ADAM17: variants seen among roughly 807,000 people sequenced by gnomAD.
ADAM17 encodes the protein ADAM metallopeptidase domain 17, also known as disintegrin and metalloproteinase domain-containing protein 17.
A neutral mutation model predicts 96.7 loss-of-function variants in ADAM17; 39 were observed. The ratio of observed to expected loss-of-function variants is 0.40; its 90% CI spans 0.31 to 0.53. The LOEUF (loss-of-function observed/expected upper bound fraction) is 0.53, where lower values mean the gene tolerates loss of function less well. Among genes scored for constraint, ADAM17 ranks in the 20% least tolerant of loss-of-function variants. The pLI is 0.44. For synonymous variants in ADAM17, 344 were observed against 359.2 expected (o/e 0.96, Z 0.48); for missense variants, 777 against 1,013.2 (o/e 0.77, Z 3.17).
intron 12 of ADAM17, among the ~76,000 whole-genome samples, chr2:9,503,415 AG>A (rs1301753344): frequency 6.6e-6 from 1 of 152,234 alleles, no homozygotes; most frequent in Non-Finnish European, 1.5e-5. Context: ...TCCAGTATAT[AG>A]AATCATGATA....
At chr2:9,493,287 G>T (rs555281140) in intron 16 of ADAM17, among the ~76,000 whole-genome samples, 117 of 152,284 alleles carry the variant, frequency 7.7e-4, no homozygotes, top group African/African-American at 2.8e-3. Flanking sequence ...TGCTTAAGAA[G>T]ACAAAGTTTT....
At chr2:9,541,857 G>A (rs1303845880) in intron 2 of ADAM17, among the ~76,000 whole-genome samples, 1 of 151,410 alleles carries the variant, frequency 6.6e-6, no homozygotes, top group African/African-American at 2.4e-5. Flanking sequence ...TGGCCAACAT[G>A]GTGAAACTCT....
intron 7 of ADAM17, among the ~76,000 whole-genome samples, chr2:9,522,906 T>A (rs1206816196): frequency 6.6e-6 from 1 of 152,150 alleles, no homozygotes; most frequent in East Asian, 1.9e-4. Context: ...ATTTTCTGAC[T>A]AAGGATTCAA....
At chr2:9,552,626 G>A (rs1380498913) in intron 1 of ADAM17, among the ~76,000 whole-genome samples, 1 of 152,136 alleles carries the variant, frequency 6.6e-6, no homozygotes, top group Non-Finnish European at 1.5e-5. Flanking sequence ...TCCCTCATCT[G>A]TGACCTATAT....
At chr2:9,536,101 G>GC (rs1664950427) in intron 3 of ADAM17, among the ~76,000 whole-genome samples, 179 bp from the exon 4 acceptor site, 1 of 152,108 alleles carries the variant, frequency 6.6e-6, no homozygotes, top group Non-Finnish European at 1.5e-5. Context: ...CTAAGGGGTA[G>GC]CCTCAAGTTT....
At chr2:9,500,788 T>C (rs1662952790) in intron 13 of ADAM17, among the ~76,000 whole-genome samples, 1 of 152,218 alleles carries the variant, frequency 6.6e-6, no homozygotes, top group African/African-American at 2.4e-5. Flanking sequence ...TGTCCGTTTA[T>C]ATACCTAGTA....
intron 11 of ADAM17, among the ~76,000 whole-genome samples, chr2:9,505,776 ATGT>A (rs772281409): frequency 2.0e-5 from 3 of 152,196 alleles, no homozygotes; most frequent in Non-Finnish European, 4.4e-5. Flanking sequence ...CTGTAGGTTA[ATGT>A]TGTCCCAGAC....
intron 10 of ADAM17, 39 bp from the exon 11 acceptor site, chr2:9,510,170 CCA>C: frequency 6.2e-7 from 1 of 1,608,778 alleles, no homozygotes; most frequent in Non-Finnish European, 8.5e-7. Context: ...TTCTCAATAT[CCA>C]GCCATCACCT....
chr2:9,537,070 G>A lies in ADAM17; in HGVS notation c.231-242C>T, dbSNP rs907303994. 2.6e-5 allele frequency among the ~76,000 whole-genome samples: 4 copies of A among 152,054 alleles called. No individual in the cohort carries two copies. In the South Asian group the frequency reaches 8.3e-4, roughly 32 times the overall value. On this transcript the variant is annotated intron_variant, in intron 2 of 18. Transcript: ENST00000310823. ...TCACACTAGGGTAAAGATATTCAAA[G>A]AACTTATACATTCATCTCTCCTGGA...
At chr2:9,546,809 A>C (rs1305486489) in intron 1 of ADAM17, among the ~76,000 whole-genome samples, 1 of 147,088 alleles carries the variant, frequency 6.8e-6, no homozygotes, top group African/African-American at 2.7e-5. Context: ...TCCTGGGTTC[A>C]AGCGATTCTC....
chr2:9,494,632 C>T lies in ADAM17; in HGVS notation c.1914+5G>A, dbSNP rs2124966714. 6.2e-7 allele frequency: 1 copy of T among 1,613,500 alleles called. No individual in the cohort carries two copies. Among genetic ancestry groups the T allele is most frequent in the Non-Finnish European group, 8.5e-7 (1 of 1,179,698 alleles). On this transcript the variant is annotated splice_donor_5th_base_variant and intron_variant, in intron 15 of 18. Transcript: ENST00000310823. ...TTACAGAAAAAGCTGTACATAAATA[C>T]TCACATTCATGTCACAAAATCCTAC...
At chr2:9,536,390 C>T (rs759377417) in intron 3 of ADAM17, among the ~76,000 whole-genome samples, 118 of 152,066 alleles carry the variant, frequency 7.8e-4, no homozygotes, top group Admixed American at 1.3e-3. Flanking sequence ...CCAAGCTTCC[C>T]TGTTTAAAAT....
At chr2:9,546,904 T>C (rs1665421574) in intron 1 of ADAM17, among the ~76,000 whole-genome samples, 1 of 152,174 alleles carries the variant, frequency 6.6e-6, no homozygotes, top group Non-Finnish European at 1.5e-5. Flanking sequence ...AGAAGGGGTT[T>C]CACTGTGTTG....
At chr2:9,538,513 T>C (rs1260297604) in intron 2 of ADAM17, among the ~76,000 whole-genome samples, 5 of 152,246 alleles carry the variant, frequency 3.3e-5, no homozygotes, top group South Asian at 4.1e-4. Flanking sequence ...TTCTCAGTTA[T>C]GATTTTTCCC....
chr2:9,517,247 T>C (rs1384629074), intron 10 of ADAM17, among the ~76,000 whole-genome samples: 2 of 152,164 alleles, frequency 1.3e-5, no homozygotes. Context: ...GTCAAACACA[T>C]TTTAACAGAC....
intron 17 of ADAM17, among the ~76,000 whole-genome samples, chr2:9,492,605 C>T (rs1662250220): frequency 6.6e-6 from 1 of 152,192 alleles, no homozygotes; most frequent in African/African-American, 2.4e-5. Context: ...GGGCTTTACT[C>T]ATCAAAGGAC....
intron 15 of ADAM17, among the ~76,000 whole-genome samples, chr2:9,494,344 A>T (rs1388447892): frequency 1.3e-5 from 2 of 152,186 alleles, no homozygotes; most frequent in African/African-American, 4.8e-5. Flanking sequence ...TAAGTAATCT[A>T]GGAAAACATA....
intron 3 of ADAM17, among the ~76,000 whole-genome samples, chr2:9,536,265 T>C (rs541620489): frequency 6.6e-6 from 1 of 152,322 alleles, no homozygotes; most frequent in South Asian, 2.1e-4. Flanking sequence ...TATTTGTGGA[T>C]TTCAATGACA....
chr2:9,522,299 G>A (rs780018757), intron 7 of ADAM17: 55 of 478,362 alleles, frequency 1.1e-4, no homozygotes, highest in Non-Finnish European at 1.8e-4. Context: ...ACCTGCATAC[G>A]ACATCTCTAG....
Sources: gnomAD v4.1 joint callset for allele counts (sites outside exome capture counted in the v4.1 genomes callset) on GRCh38, gnomAD v4.1.1 for gene constraint, MANE v1.5 for transcripts, NCBI Gene and HGNC (gene_info 2026-07-23, HGNC 2026-07-21) for gene names.